Variants in DAPK2 observed in about 807,000 individuals in gnomAD.
DAPK2 encodes death associated protein kinase 2.
A neutral mutation model predicts 44.1 loss-of-function variants in DAPK2; 35 were observed. The ratio of observed to expected loss-of-function variants is 0.79; its 90% CI spans 0.61 to 1.05. The LOEUF (loss-of-function observed/expected upper bound fraction) is 1.05, where lower values mean the gene tolerates loss of function less well. DAPK2 is among the 50% of genes least tolerant of loss of function. DAPK2 has a pLI of 0.00. For synonymous variants in DAPK2, 174 were observed against 182.6 expected (o/e 0.95, Z 0.38); for missense variants, 453 against 483.2 (o/e 0.94, Z 0.59).
At chr15:63,924,277 A>G (rs2079174751) in intron 8 of DAPK2, among the ~76,000 whole-genome samples, 1 of 152,216 alleles carries the variant, frequency 6.6e-6, no homozygotes, top group African/African-American at 2.4e-5. Context: ...GACTCTCCCC[A>G]GAGGGAACAG....
intron 3 of DAPK2, among the ~76,000 whole-genome samples, chr15:63,944,666 G>T (rs2077403633): frequency 6.6e-6 from 1 of 152,226 alleles, no homozygotes; most frequent in African/African-American, 2.4e-5. Context: ...AGGTGCAACA[G>T]CTTGTAATGT....
intron 1 of DAPK2, 61 bp downstream of exon 2, chr15:64,040,109 G>A: frequency 1.5e-6 from 2 of 1,337,768 alleles, no homozygotes; most frequent in Non-Finnish European, 1.1e-6. Flanking sequence ...TGACAACTGT[G>A]CCAGAAGAAG....
chr15:63,942,589 A>C (rs1473162718), intron 3 of DAPK2, among the ~76,000 whole-genome samples: 1 of 151,744 alleles, frequency 6.6e-6, no homozygotes, highest in Non-Finnish European at 1.5e-5. Context: ...ATAAAAAAAC[A>C]AACAAAAAAA....
chr15:63,945,828 C>T (rs986251604), intron 3 of DAPK2, among the ~76,000 whole-genome samples: 1 of 152,194 alleles, frequency 6.6e-6, no homozygotes, highest in African/African-American at 2.4e-5. Context: ...TGTGAAAATT[C>T]CTACTGCTTT....
At position 63,908,114 on chromosome 15, in the gene DAPK2, T is replaced by C. The variant is rs2078696748; in HGVS notation, c.*406A>G. 6.5e-6 allele frequency: 1 copy of C among 154,914 alleles called. No homozygotes were observed. The highest frequency in any genetic ancestry group is 1.4e-5 in the Non-Finnish European group (1 of 70,030). 9.6% of individuals were successfully genotyped at this position (154,914 alleles called of 1,614,324 possible). A position where few individuals can be genotyped will look rare whatever the true frequency, so the allele number is the denominator to read the frequency against. On this transcript the variant is annotated 3_prime_UTR_variant, in exon 11 of 11. Transcript: ENST00000261891. This position sits in a 1 kb window ranked among gnomAD's most constrained non-coding sequence, Gnocchi z 5.7. ...TCACCCTGTTCCCAATGGGGAGGAC[T>C]CTGTCTCTCTGGTGTAATTTTTGGC...
intron 2 of DAPK2, among the ~76,000 whole-genome samples, chr15:63,973,013 T>C (rs1294584832): frequency 1.3e-5 from 2 of 152,134 alleles, no homozygotes; most frequent in African/African-American, 4.8e-5. Flanking sequence ...TCAGAGATCG[T>C]GGGGGTGAAA....
chr15:63,982,502 A>G (rs2140852036), intron 2 of DAPK2, among the ~76,000 whole-genome samples: 1 of 152,158 alleles, frequency 6.6e-6, no homozygotes, highest in Non-Finnish European at 1.5e-5. Context: ...CATTCTTTAT[A>G]TAGTCCTTGC....
At chr15:63,930,636 T>C (rs865915637) in intron 4 of DAPK2, among the ~76,000 whole-genome samples, 181 bp from the exon 6 acceptor site, 1 of 152,174 alleles carries the variant, frequency 6.6e-6, no homozygotes, top group Non-Finnish European at 1.5e-5. Flanking sequence ...ATGGCCCAAA[T>C]GTTTGTGCGT....
At chr15:63,977,183 A>G (rs949624254) in intron 2 of DAPK2, among the ~76,000 whole-genome samples, 4 of 152,230 alleles carry the variant, frequency 2.6e-5, no homozygotes, top group Admixed American at 6.5e-5. Flanking sequence ...ACCATCTGCC[A>G]TAGCTGCAGC....
chr15:64,044,556 C>T (rs1344095593), upstream of DAPK2, among the ~76,000 whole-genome samples: 2 of 152,160 alleles, frequency 1.3e-5, no homozygotes, highest in Middle Eastern at 3.2e-3. Context: ...CACTGAGCAT[C>T]ATACAGGTGA....
intron 2 of DAPK2, among the ~76,000 whole-genome samples, chr15:63,972,259 G>A (rs2078233248): frequency 6.6e-6 from 1 of 152,206 alleles, no homozygotes; most frequent in Admixed American, 6.5e-5. Flanking sequence ...GGTACCAAGT[G>A]TGGAGTGCTA....
chr15:63,940,412 A>G (rs943332946), intron 3 of DAPK2, among the ~76,000 whole-genome samples: 1 of 152,138 alleles, frequency 6.6e-6, no homozygotes, highest in Non-Finnish European at 1.5e-5. Context: ...AGAAAAAAAT[A>G]AAAAGGAATG....
intron 1 of DAPK2, among the ~76,000 whole-genome samples, chr15:64,027,494 A>G (rs193078): frequency 0.82 from 125,264 of 152,070 alleles, 51,902 homozygotes; most frequent in East Asian, 0.92. Flanking sequence ...CAAGGAGGTC[A>G]GAAGCTGCAC....
chr15:63,914,316 G>A (rs574185533), intron 8 of DAPK2, among the ~76,000 whole-genome samples: 15 of 152,258 alleles, frequency 9.9e-5, no homozygotes, highest in African/African-American at 2.4e-4. Flanking sequence ...TTCACCCTCC[G>A]AAACTGAAGC....
upstream of DAPK2, among the ~76,000 whole-genome samples, chr15:64,041,052 G>T (rs999807223): frequency 2.6e-5 from 4 of 152,194 alleles, no homozygotes; most frequent in Admixed American, 6.5e-5. Flanking sequence ...TTCAAGTCAT[G>T]AAATTATTTT....
At chr15:64,018,386 C>T (rs550446872) in intron 1 of DAPK2, among the ~76,000 whole-genome samples, 80 of 152,342 alleles carry the variant, frequency 5.3e-4, no homozygotes, top group African/African-American at 1.7e-3. Flanking sequence ...AAAAGCTAAA[C>T]AGCCTTAAGA....
chr15:63,939,367 CA>C lies in DAPK2; in HGVS notation c.454-7del. On this transcript the variant is annotated splice_polypyrimidine_tract_variant and splice_region_variant and intron_variant, in intron 3 of 10. Coordinates refer to ENST00000261891, the Ensembl canonical transcript of DAPK2. The surrounding 1 kb of genome is among the most constrained non-coding windows in gnomAD (Gnocchi z 4.3). ...AACAACATAATGTTTTCTGGCTGGA[CA>C]ACAAAAAGTAGAAAAAAAAAAAAGG... 2 of 1,315,584 alleles carry C rather than the reference CA, an allele frequency of 1.5e-6. No homozygotes were observed. The highest frequency in any genetic ancestry group is 2.8e-5 in the East Asian group (1 of 35,644). The allele number at this position is 1,315,584 out of a possible 1,614,324, so 81.5% of individuals were successfully genotyped here.
chr15:63,983,099 T>C (rs1003495224), intron 2 of DAPK2, among the ~76,000 whole-genome samples: 2 of 152,298 alleles, frequency 1.3e-5, no homozygotes, highest in East Asian at 3.9e-4. Context: ...GAGAAGGGCT[T>C]CGCAGAGCCC....
upstream of DAPK2, among the ~76,000 whole-genome samples, chr15:64,043,414 A>T (rs1028185960): frequency 2.0e-5 from 3 of 152,272 alleles, no homozygotes; most frequent in Non-Finnish European, 4.4e-5. Flanking sequence ...ATACAATGGA[A>T]TCATTATACA....
Sources: allele counts gnomAD v4.1 joint callset (sites outside exome capture counted in the v4.1 genomes callset), GRCh38; gene constraint gnomAD v4.1.1; non-coding constraint Gnocchi (gnomAD v3.1); transcripts MANE v1.5; gene names NCBI Gene and HGNC (gene_info 2026-07-23, HGNC 2026-07-21).